The following PCDHAC1 variants were observed in gnomAD, a reference collection of about 807,000 sequenced individuals.
PCDHAC1 encodes the protein protocadherin alpha-C1.
Under a neutral mutation model 60.0 loss-of-function variants are expected in PCDHAC1, and 42 were observed. That is an observed-to-expected ratio of 0.70 (90% CI 0.55 to 0.90). The LOEUF is 0.90. Ranked by LOEUF, PCDHAC1 falls within the 40% of genes least tolerant of loss-of-function variation. The pLI is 0.00. For synonymous variants in PCDHAC1, 468 were observed against 499.3 expected, an observed-to-expected ratio of 0.94 and a Z score of 0.84; for missense variants, 1,160 against 1,222.3, an observed-to-expected ratio of 0.95 and a Z score of 0.76.
At chr5:140,985,739 C>CTTTTTT (rs11372071) in intron 3 of PCDHAC1, among the ~76,000 whole-genome samples, 3 of 117,922 alleles carry the variant, frequency 2.5e-5, no homozygotes, top group Non-Finnish European at 1.7e-5. Context: ...TGATGAATTC[C>CTTTTTT]TTTTTTTTTT....
intron 1 of PCDHAC1, among the ~76,000 whole-genome samples, chr5:140,951,495 G>A (rs1554219919): frequency 1.3e-5 from 2 of 151,958 alleles, no homozygotes; most frequent in African/African-American, 4.8e-5. Context: ...ATGGTGGAAG[G>A]CAAAAGGAAA....
intron 1 of PCDHAC1, among the ~76,000 whole-genome samples, chr5:140,964,997 T>C (rs144251011): frequency 3.9e-5 from 6 of 152,316 alleles, no homozygotes; most frequent in African/African-American, 1.4e-4. Context: ...CTTTGAATTC[T>C]GGGTGTCAGG....
intron 1 of PCDHAC1, among the ~76,000 whole-genome samples, chr5:140,955,118 G>C (rs2095139401): frequency 6.6e-6 from 1 of 152,058 alleles, no homozygotes; most frequent in African/African-American, 2.4e-5. Flanking sequence ...TCTCTATTCT[G>C]TTCCACTGGT....
In PCDHAC1 at chr5:140,927,810, GGAGGCATACATT is replaced by G. The variant is rs782126534; in HGVS notation, c.924_935del (p.Tyr309_Ala312del). Reference sequence around the variant, plus strand: ...CACTAGGTCCGCCTGAAACGCTCTTGGAGGCATACATTGAGGCGAGGGACGAAGGTGTCTTTG... The same window carrying G: ...CACTAGGTCCGCCTGAAACGCTCTTGGAGGCGAGGGACGAAGGTGTCTTTG... On this transcript the variant is annotated inframe_deletion, in exon 1 of 4. Transcript: ENST00000253807. 3.7e-6 allele frequency: 6 copies of G among 1,614,082 alleles called. No individual in the cohort carries two copies. The South Asian group carries it at 6.6e-5, about 18-fold the overall frequency.
intron 3 of PCDHAC1, among the ~76,000 whole-genome samples, chr5:140,998,569 G>GT (rs71574497): frequency 0.37 from 55,088 of 149,258 alleles, 10,597 homozygotes; most frequent in African/African-American, 0.48. Flanking sequence ...TTGTAAATAA[G>GT]TTTTTTTTTT....
intron 3 of PCDHAC1, among the ~76,000 whole-genome samples, chr5:141,001,813 G>A (rs782384459): frequency 2.6e-5 from 4 of 152,172 alleles, no homozygotes; most frequent in Non-Finnish European, 4.4e-5. Flanking sequence ...TCTACAATCG[G>A]CCAAATTCTG....
intron 1 of PCDHAC1, among the ~76,000 whole-genome samples, chr5:140,965,232 G>C (rs192008157): frequency 6.6e-5 from 10 of 152,194 alleles, no homozygotes; most frequent in Non-Finnish European, 1.0e-4. Context: ...GTGAGAACCT[G>C]GGAAGAGTGA....
Position 141,009,816 on chromosome 5 carries a change from G to A in PCDHAC1, c.2771G>A (p.Ser924Asn). ...QEPTNSQIDK[S>N]DFITFGKKEE... Reference sequence around the variant, plus strand: ...CCTACTAACAGCCAAATTGACAAAAGTGACTTCATAACCTTCGGCAAAAAG... The same window carrying A: ...CCTACTAACAGCCAAATTGACAAAAATGACTTCATAACCTTCGGCAAAAAG... Residue 924 changes from serine to asparagine, a missense_variant, in exon 4 of 4, where the codon AGT (serine) becomes AAT (asparagine). Ser to Asn is a conservative substitution (Grantham distance 46). This residue lies in a region of PCDHAC1 where 1,113 missense variants were observed against 1,163.7 expected (regional missense o/e 0.96). Transcript: ENST00000253807. 1 of 1,614,044 alleles carries A rather than the reference G, an allele frequency of 6.2e-7. No homozygotes were observed. Among genetic ancestry groups the A allele is most frequent in the African/African-American group, 1.3e-5 (1 of 74,990 alleles).
At chr5:140,999,049 A>G (rs962383659) in intron 3 of PCDHAC1, among the ~76,000 whole-genome samples, 2 of 152,332 alleles carry the variant, frequency 1.3e-5, no homozygotes, top group Non-Finnish European at 2.9e-5. Context: ...TGTGCTTTCC[A>G]CCATGCCTAA....
At chr5:140,973,208 C>T (rs2096576751) in intron 1 of PCDHAC1, among the ~76,000 whole-genome samples, 1 of 152,170 alleles carries the variant, frequency 6.6e-6, no homozygotes, top group African/African-American at 2.4e-5. Flanking sequence ...TGCATATTCA[C>T]CCTAATTCCA....
chr5:140,943,800 A>G (rs1470801059), intron 1 of PCDHAC1, among the ~76,000 whole-genome samples: 1 of 152,218 alleles, frequency 6.6e-6, no homozygotes, highest in East Asian at 1.9e-4. Flanking sequence ...GCAAAGCAAA[A>G]GAGGAAAGTT....
Position 140,927,948 on chromosome 5 carries a change from C to T in PCDHAC1, c.1056C>T (p.Asp352=), listed in dbSNP as rs1012110026. The T allele has an allele frequency of 4.3e-6, 7 of 1,614,072 alleles. No homozygotes were observed. In the African/African-American group the frequency reaches 5.3e-5, roughly 12 times the overall value. The change falls in exon 1 of 4, where the codon GAC becomes GAT. Residue 352 remains aspartate (D), a synonymous_variant. Transcript: ENST00000253807. The stretch of plus-strand genomic sequence containing the variant: ...CTCTTTCGAACCCAGTACCTGAGGA[C>T]GCTGCCCCTGGCACAGTGATTGCTC... The part of the protein sequence containing the change: ...FLTLSNPVPE[D]AAPGTVIALF...
chr5:140,978,915 A>T, intron 1 of PCDHAC1, 34 bp from the exon 2 acceptor site: 3 of 1,613,970 alleles, frequency 1.9e-6, no homozygotes, highest in Non-Finnish European at 2.5e-6. Flanking sequence ...TTGTCTTGTC[A>T]TTTTAACAGA....
chr5:140,993,783 T>C (rs1402072576), intron 3 of PCDHAC1, among the ~76,000 whole-genome samples: 2 of 152,230 alleles, frequency 1.3e-5, no homozygotes, highest in East Asian at 3.9e-4. Flanking sequence ...TTTTGTACAG[T>C]AACATGCTGT....
chr5:140,952,724 C>G (rs1481919445), intron 1 of PCDHAC1, among the ~76,000 whole-genome samples: 1 of 152,100 alleles, frequency 6.6e-6, no homozygotes, highest in Non-Finnish European at 1.5e-5. Context: ...ATTTTCTGTA[C>G]TAGTCTTTTC....
intron 3 of PCDHAC1, among the ~76,000 whole-genome samples, chr5:141,000,361 G>GTCTCTC (rs148596731): frequency 3.0e-3 from 79 of 26,442 alleles, no homozygotes; most frequent in East Asian, 6.3e-3. Flanking sequence ...GTCTCTCTCT[G>GTCTCTC]TCTCTCTCTC....
chr5:140,952,301 T>G (rs246036), intron 1 of PCDHAC1, among the ~76,000 whole-genome samples: 84,430 of 149,404 alleles, frequency 0.57, 24,448 homozygotes, highest in African/African-American at 0.7. Flanking sequence ...CACAGCCATT[T>G]CACTCCAGCC....
rs1554206719 is a variant in PCDHAC1 at position 140,929,130 on chromosome 5, A to C, written c.2238A>C (p.Thr746=). The change falls in exon 1 of 4, where the codon ACA becomes ACC. Residue 746 remains threonine, a synonymous_variant. Coordinates refer to ENST00000253807, the MANE Select transcript of PCDHAC1 (RefSeq NM_018898.5). The stretch of plus-strand genomic sequence containing the variant: ...CATCAGCCACCATAGATGTCACTAC[A>C]GTTGAGAGACTTTCTCAGACTTATC... ...CMTSATIDVT[T]VERLSQTYLY... 2 of 1,614,168 alleles carry C rather than the reference A, an allele frequency of 1.2e-6. No individual in the cohort carries two copies. Among genetic ancestry groups the C allele is most frequent in the Non-Finnish European group, 1.7e-6 (2 of 1,180,024 alleles).
chr5:140,999,091 T>G (rs1342614556), intron 3 of PCDHAC1, among the ~76,000 whole-genome samples: 1 of 152,208 alleles, frequency 6.6e-6, no homozygotes, highest in South Asian at 2.1e-4. Flanking sequence ...TTCAGAGGGC[T>G]ATGGAGAGTA....
Sources: gnomAD v4.1 joint callset for allele counts (sites outside exome capture counted in the v4.1 genomes callset) on GRCh38, gnomAD v4.1.1 for gene constraint, gnomAD v4.1.1 regional missense constraint, MANE v1.5 for transcripts, NCBI Gene and HGNC (gene_info 2026-07-23, HGNC 2026-07-21) for gene names.